The following RNGTT variants were observed in gnomAD, a reference collection of about 807,000 sequenced individuals.
RNGTT encodes RNA guanylyltransferase and 5'-phosphatase.
RNGTT carries 33 observed loss-of-function variants against 79.3 expected under a neutral mutation model. The observed-to-expected ratio is 0.42, with a 90% confidence interval of 0.32 to 0.56. The LOEUF (loss-of-function observed/expected upper bound fraction) is 0.56. RNGTT is among the 20% of genes least tolerant of loss of function. The pLI is 0.17. For missense variants in RNGTT, 497 were observed against 739.1 expected (o/e 0.67, Z 3.80); for synonymous variants, 222 against 235.9 (o/e 0.94, Z 0.54).
At chr6:88,765,095 G>A (rs1778411522) in intron 13 of RNGTT, among the ~76,000 whole-genome samples, 2 of 151,820 alleles carry the variant, frequency 1.3e-5, no homozygotes, top group South Asian at 4.2e-4. Flanking sequence ...GGGAGGCTGA[G>A]GCAGGAGAAT....
chr6:88,622,896 G>C (rs1156816182), intron 14 of RNGTT, among the ~76,000 whole-genome samples: 1 of 152,084 alleles, frequency 6.6e-6, no homozygotes, highest in Non-Finnish European at 1.5e-5. Context: ...TTGGAATGTA[G>C]TCTAGTGTGA....
In RNGTT at chr6:88,963,591, T is replaced by A. The variant is rs1785726453; in HGVS notation, c.-182A>T. The stretch of plus-strand genomic sequence containing the variant: ...CGCGCCACTTTCATTCAGGATCAAC[T>A]CCACAGCTCCAGGAGAACCCACAAT... On this transcript the variant is annotated 5_prime_UTR_variant, in exon 1 of 16. Transcript: ENST00000369485. The A allele has an allele frequency of 3.7e-6, 2 of 539,688 alleles. No homozygotes were observed. The highest frequency in any genetic ancestry group is 6.4e-6 in the Non-Finnish European group (2 of 313,562). The allele number at this position is 539,688 out of a possible 1,614,324, so 33.4% of individuals were successfully genotyped here.
At chr6:88,922,905 A>C (rs1784208489) in intron 4 of RNGTT, among the ~76,000 whole-genome samples, 1 of 152,172 alleles carries the variant, frequency 6.6e-6, no homozygotes, top group Admixed American at 6.5e-5. Context: ...AATCAATATG[A>C]TGGAAAAGCC....
intron 14 of RNGTT, among the ~76,000 whole-genome samples, chr6:88,616,330 C>T (rs1339554282): frequency 6.6e-6 from 1 of 152,156 alleles, no homozygotes; most frequent in African/African-American, 2.4e-5. Flanking sequence ...GAAAATATCT[C>T]TTTGAGATCC....
intron 1 of RNGTT, among the ~76,000 whole-genome samples, chr6:88,944,768 C>T (rs1057207786): frequency 6.6e-6 from 1 of 152,118 alleles, no homozygotes; most frequent in African/African-American, 2.4e-5. Context: ...AGAGTGTAGA[C>T]TTTACTTCTC....
At chr6:88,782,559 T>C (rs1779099401) in intron 12 of RNGTT, among the ~76,000 whole-genome samples, 2 of 150,574 alleles carry the variant, frequency 1.3e-5, no homozygotes, top group South Asian at 4.2e-4. Context: ...TGGGACTATA[T>C]CAAACTAAAA....
At chr6:88,708,053 A>C (rs1242420874) in intron 13 of RNGTT, among the ~76,000 whole-genome samples, 4 of 151,896 alleles carry the variant, frequency 2.6e-5, no homozygotes, top group Admixed American at 6.6e-5. Context: ...CTTCTTTCTC[A>C]TGTGTTTTTC....
intron 4 of RNGTT, among the ~76,000 whole-genome samples, chr6:88,909,369 C>T (rs1233120957): frequency 1.3e-5 from 2 of 152,172 alleles, no homozygotes; most frequent in Non-Finnish European, 2.9e-5. Context: ...ACTGGCTACA[C>T]ACACATACGG....
intron 11 of RNGTT, among the ~76,000 whole-genome samples, chr6:88,808,822 C>T (rs1032669821): frequency 6.6e-6 from 1 of 151,990 alleles, no homozygotes; most frequent in East Asian, 1.9e-4. Context: ...CAGGCCATGG[C>T]GGCATGCACC....
intron 2 of RNGTT, among the ~76,000 whole-genome samples, chr6:88,937,091 C>T (rs960689929): frequency 6.6e-6 from 1 of 152,040 alleles, no homozygotes; most frequent in Admixed American, 6.6e-5. Flanking sequence ...GCCTGTAATC[C>T]CAACACTTTA....
chr6:88,913,214 CAAAAAAAA>C (rs58717773), intron 4 of RNGTT, among the ~76,000 whole-genome samples: 6 of 65,544 alleles, frequency 9.2e-5, no homozygotes, highest in Non-Finnish European at 2.2e-4. Flanking sequence ...CAAAAAAAAA[CAAAAAAAA>C]AAAACAAAAA....
intron 8 of RNGTT, among the ~76,000 whole-genome samples, chr6:88,858,261 G>A (rs1781901117): frequency 6.6e-6 from 1 of 151,802 alleles, no homozygotes; most frequent in Admixed American, 6.6e-5. Flanking sequence ...ATAAGTTAAA[G>A]GGCCGACCTG....
intron 13 of RNGTT, among the ~76,000 whole-genome samples, chr6:88,703,388 G>C (rs1284002269): frequency 6.6e-6 from 1 of 152,186 alleles, no homozygotes; most frequent in Non-Finnish European, 1.5e-5. Context: ...ACAAAATCAT[G>C]TCCTTTGTAG....
chr6:88,801,858 C>A (rs1286532253), intron 11 of RNGTT, among the ~76,000 whole-genome samples: 1 of 148,130 alleles, frequency 6.8e-6, no homozygotes, highest in Non-Finnish European at 1.5e-5. Flanking sequence ...CACACACACA[C>A]AAATTTCCAT....
chr6:88,700,192 C>G (rs944428410), intron 13 of RNGTT, among the ~76,000 whole-genome samples: 1 of 152,142 alleles, frequency 6.6e-6, no homozygotes, highest in Non-Finnish European at 1.5e-5. Flanking sequence ...TCAACAACTT[C>G]AAACACACTT....
At position 88,919,739 on chromosome 6, in the gene RNGTT, G is replaced by T. The variant is rs12199841; in HGVS notation, c.367+9246C>A. Among the ~76,000 whole-genome samples, 37 of 95,860 alleles carry T rather than the reference G, an allele frequency of 3.9e-4. 1 individual carries two copies. The South Asian group carries it at 0.012, about 31-fold the overall frequency. The allele number at this position is 95,860 out of a possible 152,430, so 62.9% of individuals were successfully genotyped here. On this transcript the variant is annotated intron_variant, in intron 4 of 15. Transcript: ENST00000369485. ...TTTTTTTTTTTTTTTTTTTTGAGAC[G>T]GAGTTTTGTTCTTTTTGCCCAGGCT...
chr6:88,870,940 A>AT (rs1782332741), intron 8 of RNGTT, among the ~76,000 whole-genome samples: 1 of 152,212 alleles, frequency 6.6e-6, no homozygotes, highest in South Asian at 2.1e-4. Context: ...AAGTCATAAG[A>AT]TCCCAAAATG....
intron 14 of RNGTT, among the ~76,000 whole-genome samples, chr6:88,637,018 A>C (rs1773124863): frequency 6.6e-6 from 1 of 152,086 alleles, no homozygotes. Context: ...TCAATTTTTA[A>C]GCAATGTAAC....
intron 4 of RNGTT, among the ~76,000 whole-genome samples, chr6:88,923,062 T>C (rs1288740644): frequency 6.6e-6 from 1 of 152,214 alleles, no homozygotes; most frequent in Non-Finnish European, 1.5e-5. Flanking sequence ...TTTAAGACTT[T>C]AGGTAAGAAT....
Sources: allele counts gnomAD v4.1 joint callset (sites outside exome capture counted in the v4.1 genomes callset), GRCh38; gene constraint gnomAD v4.1.1; transcripts MANE v1.5; gene names NCBI Gene and HGNC (gene_info 2026-07-23, HGNC 2026-07-21).